The following TNKS variants were observed in gnomAD, a reference collection of about 807,000 sequenced individuals.
TNKS encodes poly [ADP-ribose] polymerase tankyrase-1.
A neutral mutation model predicts 135.8 loss-of-function variants in TNKS; 72 were observed. The observed-to-expected ratio is 0.53, with a 90% CI of 0.44 to 0.64. The LOEUF is 0.64. Among genes scored for constraint, TNKS ranks in the 30% least tolerant of loss-of-function variants. TNKS has a pLI of 0.00. For synonymous variants in TNKS, 849 were observed against 649.3 expected (o/e 1.31, Z -4.68); for missense variants, 1,769 against 1,674.0 (o/e 1.06, Z -0.99).
chr8:9,729,094 C>G (rs1805296488), intron 13 of TNKS, among the ~76,000 whole-genome samples: 1 of 152,202 alleles, frequency 6.6e-6, no homozygotes, highest in African/African-American at 2.4e-5. Flanking sequence ...GTTGCTGCCT[C>G]TTCTGGAGGG....
intron 3 of TNKS, among the ~76,000 whole-genome samples, chr8:9,676,261 C>G (rs1802528805): frequency 6.6e-6 from 1 of 152,028 alleles, no homozygotes; most frequent in Non-Finnish European, 1.5e-5. Flanking sequence ...GATCCACCTG[C>G]TTTGGCCTCC....
chr8:9,711,344 G>A (rs969990964), intron 11 of TNKS, among the ~76,000 whole-genome samples: 1 of 152,174 alleles, frequency 6.6e-6, no homozygotes, highest in South Asian at 2.1e-4. Flanking sequence ...AGTATCGAGG[G>A]ATTGACAGTG....
intron 6 of TNKS, among the ~76,000 whole-genome samples, chr8:9,705,486 C>G (rs879920068): frequency 6.6e-6 from 1 of 152,162 alleles, no homozygotes; most frequent in African/African-American, 2.4e-5. Flanking sequence ...GTTTCTTTCA[C>G]TTTGTCCCTC....
At chr8:9,755,428 A>G (rs1418245040) in intron 20 of TNKS, among the ~76,000 whole-genome samples, 1 of 152,214 alleles carries the variant, frequency 6.6e-6, no homozygotes, top group Non-Finnish European at 1.5e-5. Context: ...ATTACCAAGC[A>G]CAGTTCTTTC....
At chr8:9,630,299 G>C (rs1800238408) in intron 3 of TNKS, among the ~76,000 whole-genome samples, 1 of 152,146 alleles carries the variant, frequency 6.6e-6, no homozygotes, top group African/African-American at 2.4e-5. Flanking sequence ...GACTAGCACT[G>C]TTATATTATA....
chr8:9,718,375 C>G (rs573930930), intron 11 of TNKS, among the ~76,000 whole-genome samples: 89 of 152,206 alleles, frequency 5.8e-4, no homozygotes, highest in African/African-American at 2.0e-3. Flanking sequence ...GTGATGTAGA[C>G]AATGATAGCT....
intron 3 of TNKS, among the ~76,000 whole-genome samples, chr8:9,623,604 T>G (rs1799947176): frequency 6.6e-6 from 1 of 152,186 alleles, no homozygotes; most frequent in African/African-American, 2.4e-5. Context: ...GCCAATAGAC[T>G]TGCTGGATGC....
At position 9,780,073 on chromosome 8, in the gene TNKS, G is replaced by A. The variant is rs1004823112; in HGVS notation, c.*3337G>A. On this transcript the variant is annotated 3_prime_UTR_variant, in exon 27 of 27. Transcript: ENST00000310430. ...AGATTAACATTCTATTATTGTATCC[G>A]TTTTACAAAAAATAAAATTTTGATA... The A allele has an allele frequency of 9.2e-5, 14 of 152,248 alleles. 1 individual carries two copies. The highest frequency in any genetic ancestry group is 1.0e-4 in the Non-Finnish European group (7 of 68,020). The allele number at this position is 152,248 out of a possible 1,614,324, so 9.4% of individuals were successfully genotyped here.
At chr8:9,771,678 GGAGAGA>G (rs372358789) in intron 26 of TNKS, among the ~76,000 whole-genome samples, 86 of 113,076 alleles carry the variant, frequency 7.6e-4, no homozygotes, top group East Asian at 7.2e-3. Flanking sequence ...AGGAAGGGAG[GGAGAGA>G]GAGAGAGAGA....
At chr8:9,574,641 C>T (rs1797874098) in intron 1 of TNKS, among the ~76,000 whole-genome samples, 1 of 152,202 alleles carries the variant, frequency 6.6e-6, no homozygotes, top group African/African-American at 2.4e-5. Context: ...GTGACAAATA[C>T]TGTTGGTTAT....
intron 17 of TNKS, among the ~76,000 whole-genome samples, chr8:9,735,759 C>T (rs984894009): frequency 2.6e-5 from 4 of 152,004 alleles, no homozygotes; most frequent in African/African-American, 4.8e-5. Flanking sequence ...CAGATCGCGC[C>T]ACTGCACTCC....
intron 17 of TNKS, among the ~76,000 whole-genome samples, chr8:9,747,554 G>C (rs1002111615): frequency 6.6e-6 from 1 of 152,186 alleles, no homozygotes; most frequent in African/African-American, 2.4e-5. Context: ...GAATCTTTGA[G>C]ATGAGTATTT....
intron 3 of TNKS, among the ~76,000 whole-genome samples, chr8:9,678,135 G>A (rs762474874): frequency 3.3e-5 from 5 of 152,020 alleles, no homozygotes; most frequent in Admixed American, 6.6e-5. Context: ...AGTGTCTTTC[G>A]CGTTAAAATC....
chr8:9,595,663 C>T (rs990812660), intron 2 of TNKS, among the ~76,000 whole-genome samples: 4 of 151,904 alleles, frequency 2.6e-5, no homozygotes, highest in Non-Finnish European at 5.9e-5. Flanking sequence ...ATTGAAGATG[C>T]TTAAATTAGG....
intron 18 of TNKS, among the ~76,000 whole-genome samples, chr8:9,749,669 C>G (rs1463711577): frequency 1.3e-5 from 2 of 151,896 alleles, no homozygotes; most frequent in African/African-American, 4.8e-5. Flanking sequence ...TTTGTAGAGA[C>G]AGGGTCTTGC....
intron 1 of TNKS, 23 bp from the exon 2 acceptor site, chr8:9,580,136 G>C (rs1361067328): frequency 3.8e-6 from 6 of 1,596,564 alleles, no homozygotes. Context: ...ATATATACAA[G>C]ACATTTTTTC....
At chr8:9,742,612 C>T (rs1806024718) in intron 17 of TNKS, among the ~76,000 whole-genome samples, 3 of 151,344 alleles carry the variant, frequency 2.0e-5, no homozygotes, top group South Asian at 2.1e-4. Flanking sequence ...AATCTCAGCA[C>T]GTTGGGAGGC....
intron 26 of TNKS, among the ~76,000 whole-genome samples, chr8:9,771,770 AAG>A (rs1415866384): frequency 2.8e-5 from 2 of 71,306 alleles, no homozygotes; most frequent in Admixed American, 1.6e-4. Context: ...GAGAGAAAAA[AAG>A]GAAGGCAGGA....
intron 20 of TNKS, among the ~76,000 whole-genome samples, chr8:9,759,602 GA>G (rs1304594859): frequency 6.6e-6 from 1 of 152,146 alleles, no homozygotes; most frequent in Non-Finnish European, 1.5e-5. Flanking sequence ...TACTCCTCTA[GA>G]ACATTGTAGA....
Sources: gnomAD v4.1 joint callset for allele counts (sites outside exome capture counted in the v4.1 genomes callset) on GRCh38, gnomAD v4.1.1 for gene constraint, MANE v1.5 for transcripts, NCBI Gene and HGNC (gene_info 2026-07-23, HGNC 2026-07-21) for gene names.